ADAMTS6: variants seen among roughly 807,000 people sequenced by gnomAD.
ADAMTS6 encodes A disintegrin and metalloproteinase with thrombospondin motifs 6.
In ADAMTS6, 23 loss-of-function variants were observed where a neutral mutation model predicts 144.3. The observed-to-expected ratio is 0.16, with a 90% CI of 0.11 to 0.23. ADAMTS6 has a LOEUF of 0.23. ADAMTS6 is among the 10% of genes least tolerant of loss of function. The probability of loss-of-function intolerance (pLI) is 1.00; values close to 1 mark genes in which losing one functional copy is unlikely to be tolerated. For missense variants in ADAMTS6, 999 were observed against 1,379.6 expected (o/e 0.72, Z 4.37); for synonymous variants, 444 against 457.5 (o/e 0.97, Z 0.38).
chr5:65,331,611 G>GC (rs1746722558), intron 8 of ADAMTS6, among the ~76,000 whole-genome samples: 1 of 151,920 alleles, frequency 6.6e-6, no homozygotes, highest in Non-Finnish European at 1.5e-5. Context: ...TGTGTTAATG[G>GC]CGATTTGATA....
chr5:65,353,266 T>G (rs1275584526), intron 7 of ADAMTS6, among the ~76,000 whole-genome samples: 2 of 152,010 alleles, frequency 1.3e-5, no homozygotes, highest in East Asian at 3.8e-4. Context: ...CTCTGCTGTA[T>G]AGGAAGCAAA....
At chr5:65,288,055 A>G (rs1004896177) in intron 11 of ADAMTS6, among the ~76,000 whole-genome samples, 1 of 152,214 alleles carries the variant, frequency 6.6e-6, no homozygotes, top group South Asian at 2.1e-4. Context: ...ATGATATGCA[A>G]GAATAATAGT....
chr5:65,190,611 T>C (rs748195160), intron 21 of ADAMTS6, among the ~76,000 whole-genome samples: 3 of 152,180 alleles, frequency 2.0e-5, no homozygotes, highest in Non-Finnish European at 2.9e-5. Context: ...CCACAATGAT[T>C]CAGAAGTGTT....
intron 14 of ADAMTS6, chr5:65,251,455 A>G (rs1760148976): frequency 6.6e-6 from 1 of 152,288 alleles, no homozygotes; most frequent in South Asian, 2.1e-4. Context: ...ACCAAATTTT[A>G]TCCAGTTCTC....
intron 7 of ADAMTS6, among the ~76,000 whole-genome samples, chr5:65,447,350 A>G (rs1758349045): frequency 6.6e-6 from 1 of 152,112 alleles, no homozygotes; most frequent in African/African-American, 2.4e-5. Flanking sequence ...TGGTTTATCA[A>G]TACAAACCTT....
chr5:65,448,612 C>G (rs2150244496), intron 7 of ADAMTS6, among the ~76,000 whole-genome samples: 1 of 152,156 alleles, frequency 6.6e-6, no homozygotes, highest in East Asian at 1.9e-4. Context: ...GCAACCACGC[C>G]TGGCTAGTTT....
intron 7 of ADAMTS6, among the ~76,000 whole-genome samples, chr5:65,404,420 T>C (rs1340893781): frequency 6.6e-6 from 1 of 152,162 alleles, no homozygotes; most frequent in African/African-American, 2.4e-5. Context: ...CTTGCAATAG[T>C]TTGCTGAGAA....
chr5:65,363,744 A>G (rs1360575656), intron 7 of ADAMTS6, among the ~76,000 whole-genome samples: 1 of 152,210 alleles, frequency 6.6e-6, no homozygotes, highest in Non-Finnish European at 1.5e-5. Context: ...TAAGAATAAG[A>G]GACTTTTAAA....
intron 18 of ADAMTS6, among the ~76,000 whole-genome samples, chr5:65,216,088 C>A (rs1756896829): frequency 6.6e-6 from 1 of 150,694 alleles, no homozygotes; most frequent in Admixed American, 6.7e-5. Context: ...CTCCTAGGCA[C>A]ATATCCAAAA....
chr5:65,238,656 T>A lies in ADAMTS6; in HGVS notation c.1933+3448A>T, dbSNP rs2112477319. Among the ~76,000 whole-genome samples, 2 of 151,458 alleles carry A rather than the reference T, an allele frequency of 1.3e-5. 1 individual carries two copies. Among genetic ancestry groups the A allele is most frequent in the Middle Eastern group, 6.9e-3 (2 of 290 alleles). On this transcript the variant is annotated intron_variant, in intron 15 of 24. Coordinates refer to ENST00000381055, the MANE Select transcript of ADAMTS6 (RefSeq NM_197941.4). ...AAGGTCACAGAATACAAAGTTAATA[T>A]ACAAATGTCAATGGAATTTTCAAAA... is the stretch of plus-strand genomic sequence containing the variant.
chr5:65,414,076 A>T (rs886287836), intron 7 of ADAMTS6, among the ~76,000 whole-genome samples: 5 of 152,146 alleles, frequency 3.3e-5, no homozygotes, highest in Non-Finnish European at 7.4e-5. Flanking sequence ...TATCCAGAGG[A>T]AAAAAGCATC....
Position 65,450,523 on chromosome 5 carries a change from T to C in ADAMTS6, c.1073+952A>G, listed in dbSNP as rs192785258. Among the ~76,000 whole-genome samples, 4 of 152,302 alleles carry C rather than the reference T, an allele frequency of 2.6e-5. No individual in the cohort carries two copies. In the East Asian group the frequency reaches 7.7e-4, roughly 29 times the overall value. Reference sequence around the variant, plus strand: ...AAATAACCATCATACCAAAGACTATTTCACCTAGCCAAGAGAGAATAATGC... The same window carrying C: ...AAATAACCATCATACCAAAGACTATCTCACCTAGCCAAGAGAGAATAATGC... On this transcript the variant is annotated intron_variant, in intron 7 of 24. Transcript: ENST00000381055.
At chr5:65,299,225 T>C (rs528437826) in intron 10 of ADAMTS6, among the ~76,000 whole-genome samples, 1 of 152,254 alleles carries the variant, frequency 6.6e-6, no homozygotes, top group East Asian at 1.9e-4. Context: ...TAATCACATA[T>C]ATAACACCTG....
intron 22 of ADAMTS6, among the ~76,000 whole-genome samples, chr5:65,173,330 T>G (rs1753747438): frequency 6.6e-6 from 1 of 152,218 alleles, no homozygotes; most frequent in Admixed American, 6.5e-5. Context: ...TGCTAATTTT[T>G]GGAATGTGGA....
At chr5:65,310,379 A>G (rs1368774306) in intron 9 of ADAMTS6, among the ~76,000 whole-genome samples, 1 of 152,178 alleles carries the variant, frequency 6.6e-6, no homozygotes, top group African/African-American at 2.4e-5. Flanking sequence ...TCAAAAAGTT[A>G]GCCAGGTATG....
At chr5:65,254,919 AAT>A (rs1408298933) in intron 14 of ADAMTS6, among the ~76,000 whole-genome samples, 1 of 152,214 alleles carries the variant, frequency 6.6e-6, no homozygotes, top group East Asian at 1.9e-4. Flanking sequence ...TGATTACAAT[AAT>A]ATGTTTGGTA....
chr5:65,464,949 C>T lies in ADAMTS6; in HGVS notation c.463-4611G>A, dbSNP rs200012998. ...CCTCACTTCCCTCACAACCCAGCTT[C>T]AATTCCACCTTCAATTCCCTTACCT... On this transcript the variant is annotated intron_variant, in intron 3 of 24. Transcript: ENST00000381055. Among the ~76,000 whole-genome samples, 34 of 152,308 alleles carry T rather than the reference C, an allele frequency of 2.2e-4. No homozygotes were observed. The East Asian group carries it at 6.6e-3, about 29-fold the overall frequency.
chr5:65,312,769 C>G (rs1276457631), intron 9 of ADAMTS6, among the ~76,000 whole-genome samples: 2 of 151,914 alleles, frequency 1.3e-5, no homozygotes, highest in Admixed American at 6.6e-5. Context: ...CTACTTTACA[C>G]ATTTTTCTTT....
chr5:65,309,108 G>T (rs1744226147), intron 9 of ADAMTS6, among the ~76,000 whole-genome samples: 1 of 152,072 alleles, frequency 6.6e-6, no homozygotes, highest in Non-Finnish European at 1.5e-5. Context: ...CACAGACCAG[G>T]GTGGGGTTGG....
Sources: gnomAD v4.1 joint callset for allele counts (sites outside exome capture counted in the v4.1 genomes callset) on GRCh38, gnomAD v4.1.1 for gene constraint, MANE v1.5 for transcripts, NCBI Gene and HGNC (gene_info 2026-07-23, HGNC 2026-07-21) for gene names.